PPP2R2A: variants seen among roughly 807,000 people sequenced by gnomAD.
PPP2R2A encodes serine/threonine-protein phosphatase 2A 55 kDa regulatory subunit B alpha isoform.
Under a neutral mutation model 53.2 loss-of-function variants are expected in PPP2R2A, and 9 were observed. The ratio of observed to expected loss-of-function variants is 0.17; its 90% confidence interval spans 0.10 to 0.30. The LOEUF (loss-of-function observed/expected upper bound fraction) is 0.30. Among genes scored for constraint, PPP2R2A ranks in the 10% least tolerant of loss-of-function variants. PPP2R2A has a pLI of 1.00. For missense variants in PPP2R2A, 235 were observed against 534.6 expected (o/e 0.44, Z 5.53); for synonymous variants, 169 against 174.2 (o/e 0.97, Z 0.23).
At chr8:26,367,289 GAAGA>G (rs1240938262) in intron 9 of PPP2R2A, among the ~76,000 whole-genome samples, 4 of 151,932 alleles carry the variant, frequency 2.6e-5, no homozygotes, top group East Asian at 1.9e-4. Flanking sequence ...GAGGCATCAA[GAAGA>G]AAGAAGGAAA....
intron 2 of PPP2R2A, among the ~76,000 whole-genome samples, chr8:26,304,474 C>G (rs988101557): frequency 6.6e-6 from 1 of 152,112 alleles, no homozygotes; most frequent in Non-Finnish European, 1.5e-5. Context: ...TTCTAAAGAT[C>G]CAGAAGAACA....
intron 2 of PPP2R2A, among the ~76,000 whole-genome samples, chr8:26,337,373 T>C (rs1324271068): frequency 6.6e-6 from 1 of 152,220 alleles, no homozygotes; most frequent in African/African-American, 2.4e-5. Flanking sequence ...ATCTTGACTC[T>C]GTATGTTTGT....
chr8:26,295,349 C>T (rs1336620155), intron 2 of PPP2R2A, among the ~76,000 whole-genome samples: 1 of 152,102 alleles, frequency 6.6e-6, no homozygotes, highest in South Asian at 2.1e-4. Flanking sequence ...CATTTACCTA[C>T]CTGAACCAAA....
intron 2 of PPP2R2A, among the ~76,000 whole-genome samples, chr8:26,336,274 A>T (rs1749843778): frequency 1.3e-5 from 2 of 151,980 alleles, no homozygotes; most frequent in African/African-American, 4.8e-5. Context: ...AATAAAAATA[A>T]AAAAATTAGA....
intron 3 of PPP2R2A, among the ~76,000 whole-genome samples, chr8:26,345,797 G>T (rs185846544): frequency 6.6e-6 from 1 of 151,986 alleles, no homozygotes; most frequent in Non-Finnish European, 1.5e-5. Flanking sequence ...TTTACTTTAC[G>T]CCTTAATACT....
In PPP2R2A at chr8:26,349,299, A is replaced by G. The variant is rs142603863; in HGVS notation, c.181-5169A>G. Among the ~76,000 whole-genome samples the G allele has an allele frequency of 1.3e-3, 195 of 152,168 alleles. 1 individual carries two copies. Among genetic ancestry groups the G allele is most frequent in the Admixed American group, 0.01 (154 of 15,280 alleles). On this transcript the variant is annotated intron_variant, in intron 3 of 9. Coordinates refer to ENST00000380737, the MANE Select transcript of PPP2R2A (RefSeq NM_002717.4). ...ACAGAATGAGACTCATGTTGTACAT[A>G]TCACTTTGTAATGTTTAGTTTTATG...
intron 6 of PPP2R2A, 112 bp downstream of exon 6, chr8:26,361,263 T>C (rs1805068464): frequency 9.8e-7 from 1 of 1,015,824 alleles, no homozygotes; most frequent in Non-Finnish European, 1.4e-6. Context: ...TGTGTACATA[T>C]ATGTATGGCA....
intron 2 of PPP2R2A, among the ~76,000 whole-genome samples, chr8:26,304,601 T>C (rs899494041): frequency 6.6e-6 from 1 of 152,158 alleles, no homozygotes; most frequent in Admixed American, 6.5e-5. Context: ...TGCGTGTCTG[T>C]TTTTTCCTGC....
At chr8:26,350,820 T>C (rs2117368574) in intron 3 of PPP2R2A, 1 of 152,336 alleles carries the variant, frequency 6.6e-6, no homozygotes, top group East Asian at 1.9e-4. Context: ...TTGTAGACTT[T>C]CTTTACACTT....
At chr8:26,317,465 AT>A (rs1484191086) in intron 2 of PPP2R2A, among the ~76,000 whole-genome samples, 1 of 152,188 alleles carries the variant, frequency 6.6e-6, no homozygotes, top group Non-Finnish European at 1.5e-5. Flanking sequence ...CATCTGTAAC[AT>A]TTTTAGGCAC....
In PPP2R2A at chr8:26,362,914, A is replaced by G. The variant is rs921561076; in HGVS notation, c.802+66A>G. ...TGTTTGTCTGAAATAAGCCTCAGACATGATAAGTACAATTACAGAGGTTCA... is the reference window on the plus strand; with the variant it reads ...TGTTTGTCTGAAATAAGCCTCAGACGTGATAAGTACAATTACAGAGGTTCA... On this transcript the variant is annotated intron_variant, in intron 7 of 9. Transcript: ENST00000380737. The surrounding 1 kb of genome is among the most constrained non-coding windows in gnomAD (Gnocchi z 4.4). 1.4e-6 allele frequency: 2 copies of G among 1,475,944 alleles called. No homozygotes were observed. Among genetic ancestry groups the G allele is most frequent in the Admixed American group, 1.8e-5 (1 of 54,074 alleles). The allele number at this position is 1,475,944 out of a possible 1,614,324, so 91.4% of individuals were successfully genotyped here. A position where few individuals can be genotyped will look rare whatever the true frequency, so the allele number is the denominator to read the frequency against.
rs534610823 is a variant in PPP2R2A, at chr8:26,305,059, C to G, written c.82+11319C>G. Reference sequence around the variant, plus strand: ...TCTTGCAAAACTGAAACTCTATACCCGTTAAATAACTCCCTTCTTCCCCTC... The same window carrying G: ...TCTTGCAAAACTGAAACTCTATACCGGTTAAATAACTCCCTTCTTCCCCTC... On this transcript the variant is annotated intron_variant, in intron 2 of 9. Coordinates refer to ENST00000380737, the MANE Select transcript of PPP2R2A (RefSeq NM_002717.4). Among the ~76,000 whole-genome samples the G allele has an allele frequency of 4.6e-4, 70 of 152,212 alleles. 1 individual carries two copies. Among genetic ancestry groups the G allele is most frequent in the Admixed American group, 1.2e-3 (18 of 15,282 alleles).
chr8:26,320,171 G>T (rs1241482419), intron 2 of PPP2R2A, among the ~76,000 whole-genome samples: 1 of 152,142 alleles, frequency 6.6e-6, no homozygotes, highest in African/African-American at 2.4e-5. Flanking sequence ...ACCTGTGTTG[G>T]TTATATCCTG....
chr8:26,315,986 T>G lies in PPP2R2A; in HGVS notation c.82+22246T>G, dbSNP rs139929060. 1.9e-3 allele frequency among the ~76,000 whole-genome samples: 284 copies of G among 152,326 alleles called. 1 individual carries two copies. Among genetic ancestry groups the G allele is most frequent in the Middle Eastern group, 6.8e-3 (2 of 294 alleles). Reference sequence around the variant, plus strand: ...TTATATAAAAGTAGATTTGTTTTCTTAAATCTAAATTCTGATATTGTGTAC... The same window carrying G: ...TTATATAAAAGTAGATTTGTTTTCTGAAATCTAAATTCTGATATTGTGTAC... On this transcript the variant is annotated intron_variant, in intron 2 of 9. Transcript: ENST00000380737.
Position 26,320,282 on chromosome 8 carries a change from A to G in PPP2R2A, c.83-18608A>G, listed in dbSNP as rs137926003. On this transcript the variant is annotated intron_variant, in intron 2 of 9. Transcript: ENST00000380737. ...AAAGCAGAATCCTGGTTATTTGGCA[A>G]ACTCTACATGTTGTACTCCAAGGTG... is the stretch of plus-strand genomic sequence containing the variant. 4.0e-3 allele frequency among the ~76,000 whole-genome samples: 608 copies of G among 152,326 alleles called. 1 individual carries two copies. Among genetic ancestry groups the G allele is most frequent in the Non-Finnish European group, 6.7e-3 (456 of 68,018 alleles).
At chr8:26,291,928 G>C in intron 1 of PPP2R2A, 102 bp downstream of exon 1, 3 of 1,499,556 alleles carry the variant, frequency 2.0e-6, no homozygotes, top group Non-Finnish European at 2.7e-6. Flanking sequence ...GAGCCACAGG[G>C]CGCCCCTCGG....
chr8:26,337,699 C>T (rs944260606), intron 2 of PPP2R2A, among the ~76,000 whole-genome samples: 23 of 152,098 alleles, frequency 1.5e-4, no homozygotes, highest in East Asian at 1.2e-3. Context: ...TTTAACCTGG[C>T]GTTGAGTTGT....
intron 3 of PPP2R2A, chr8:26,350,788 G>C (rs562428251): frequency 6.6e-6 from 1 of 152,240 alleles, no homozygotes; most frequent in Admixed American, 6.5e-5. Context: ...TTTCTGTGTT[G>C]TGTGTCATTT....
intron 1 of PPP2R2A, among the ~76,000 whole-genome samples, chr8:26,292,952 A>C (rs1459430528): frequency 6.6e-6 from 1 of 152,256 alleles, no homozygotes; most frequent in Non-Finnish European, 1.5e-5. Context: ...GCTATAAACA[A>C]GTTGCTTGTT....
Sources: allele counts gnomAD v4.1 joint callset (sites outside exome capture counted in the v4.1 genomes callset), GRCh38; gene constraint gnomAD v4.1.1; non-coding constraint Gnocchi (gnomAD v3.1); transcripts MANE v1.5; gene names NCBI Gene and HGNC (gene_info 2026-07-23, HGNC 2026-07-21).